The following SPECC1L variants were observed in gnomAD, a reference collection of about 807,000 sequenced individuals.
SPECC1L encodes the protein cytospin-A.
A neutral mutation model predicts 116.8 loss-of-function variants in SPECC1L; 40 were observed. The observed-to-expected ratio is 0.34, with a 90% CI of 0.27 to 0.45. SPECC1L has a LOEUF of 0.45. SPECC1L is among the 20% of genes least tolerant of loss of function. SPECC1L has a pLI of 1.00. For synonymous variants in SPECC1L, 504 were observed against 500.6 expected, an observed-to-expected ratio of 1.01 and a Z score of -0.09; for missense variants, 1,110 against 1,373.6, an observed-to-expected ratio of 0.81 and a Z score of 3.03.
At chr22:24,275,491 T>C (rs1306104066) in intron 1 of SPECC1L, among the ~76,000 whole-genome samples, 1 of 151,916 alleles carries the variant, frequency 6.6e-6, no homozygotes, top group East Asian at 1.9e-4. Context: ...TATCCCAAAT[T>C]GTGGAAGGAA....
chr22:24,369,377 G>T, intron 14 of SPECC1L, 57 bp downstream of exon 14: 1 of 1,253,584 alleles, frequency 8.0e-7, no homozygotes, highest in Non-Finnish European at 1.2e-6. Flanking sequence ...CTGCTGGAGT[G>T]TCGTAGCTTA....
At chr22:24,407,458 G>A (rs2042613713) in intron 14 of SPECC1L, among the ~76,000 whole-genome samples, 1 of 152,194 alleles carries the variant, frequency 6.6e-6, no homozygotes, top group Non-Finnish European at 1.5e-5. Context: ...AGGAGCCTCT[G>A]CCTCGAGGCG....
chr22:24,379,445 A>G (rs2042024382), intron 14 of SPECC1L, among the ~76,000 whole-genome samples: 1 of 152,178 alleles, frequency 6.6e-6, no homozygotes, highest in Non-Finnish European at 1.5e-5. Context: ...TATCAGGTTG[A>G]TTAAATGGAG....
intron 4 of SPECC1L, among the ~76,000 whole-genome samples, chr22:24,319,392 G>C (rs187886027): frequency 6.6e-6 from 1 of 152,196 alleles, no homozygotes; most frequent in African/African-American, 2.4e-5. Flanking sequence ...CGAGAACAGC[G>C]TGAGGGTAAC....
chr22:24,395,612 T>A (rs1374386378), intron 14 of SPECC1L, among the ~76,000 whole-genome samples: 1 of 152,216 alleles, frequency 6.6e-6, no homozygotes, highest in Non-Finnish European at 1.5e-5. Context: ...CCACACTTTT[T>A]ATCTCAATAC....
At chr22:24,413,782 C>A (rs1023932589) in intron 16 of SPECC1L, among the ~76,000 whole-genome samples, 1 of 152,128 alleles carries the variant, frequency 6.6e-6, no homozygotes, top group Non-Finnish European at 1.5e-5. Flanking sequence ...GGCAGGTTTT[C>A]GTTTTCTGCA....
intron 10 of SPECC1L, among the ~76,000 whole-genome samples, chr22:24,339,917 T>A (rs1228165616): frequency 1.3e-5 from 2 of 151,946 alleles, no homozygotes; most frequent in African/African-American, 4.8e-5. Context: ...CCCAAGTAGC[T>A]GGGACCACAG....
intron 2 of SPECC1L, among the ~76,000 whole-genome samples, chr22:24,291,034 T>C (rs1461397031): frequency 6.9e-6 from 1 of 143,994 alleles, no homozygotes; most frequent in Non-Finnish European, 1.6e-5. Flanking sequence ...GACTGTGTGA[T>C]TCTTTCTTCT....
At chr22:24,372,043 C>T (rs2041881618) in intron 14 of SPECC1L, among the ~76,000 whole-genome samples, 1 of 152,082 alleles carries the variant, frequency 6.6e-6, no homozygotes, top group Admixed American at 6.6e-5. Flanking sequence ...TTATAAACAC[C>T]CACCTTTACA....
In SPECC1L at chr22:24,346,617, G is replaced by C. The variant is rs1021503125; in HGVS notation, c.2653-469G>C. ...GAATACCAGTGGTTGCCAGAGGTCA[G>C]TGATAGGGGGTTGGGGACGGGAAGA... On this transcript the variant is annotated intron_variant, in intron 10 of 16. Transcript: ENST00000314328. Among the ~76,000 whole-genome samples, 4 of 152,318 alleles carry C rather than the reference G, an allele frequency of 2.6e-5. No homozygotes were observed. In the East Asian group the frequency reaches 7.7e-4, roughly 29 times the overall value.
At chr22:24,336,282 C>T (rs967904199) in intron 9 of SPECC1L, among the ~76,000 whole-genome samples, 1 of 151,198 alleles carries the variant, frequency 6.6e-6, no homozygotes, top group African/African-American at 2.4e-5. Flanking sequence ...TCTATATATA[C>T]CTATATGTGT....
intron 2 of SPECC1L, among the ~76,000 whole-genome samples, chr22:24,298,675 A>G (rs549927721): frequency 3.9e-4 from 60 of 152,322 alleles, no homozygotes; most frequent in African/African-American, 1.2e-3. Context: ...AGTTTGAGTC[A>G]GACGGCAAGC....
At chr22:24,276,603 A>G (rs1272687755) in intron 1 of SPECC1L, 97 bp from the exon 2 acceptor site, 2 of 317,386 alleles carry the variant, frequency 6.3e-6, no homozygotes, top group Non-Finnish European at 1.2e-5. Flanking sequence ...GCCCAGTCTC[A>G]AAAATATTAG....
At chr22:24,405,668 C>T (rs981334396) in intron 14 of SPECC1L, among the ~76,000 whole-genome samples, 1 of 151,930 alleles carries the variant, frequency 6.6e-6, no homozygotes, top group Non-Finnish European at 1.5e-5. Flanking sequence ...GGTGAAACCT[C>T]ATCTCTACTA....
intron 4 of SPECC1L, among the ~76,000 whole-genome samples, chr22:24,317,649 C>T (rs2040620564): frequency 6.6e-6 from 1 of 150,534 alleles, no homozygotes; most frequent in Non-Finnish European, 1.5e-5. Flanking sequence ...GGCGGCTGGC[C>T]AGGCGGGGGG....
intron 14 of SPECC1L, among the ~76,000 whole-genome samples, chr22:24,410,744 C>G (rs995995215): frequency 7.9e-5 from 12 of 152,152 alleles, no homozygotes; most frequent in Non-Finnish European, 1.6e-4. Flanking sequence ...TTCTCACCAT[C>G]CATCAGAGCA....
intron 2 of SPECC1L, among the ~76,000 whole-genome samples, chr22:24,283,979 CCT>C (rs766096815): frequency 9.9e-5 from 15 of 152,042 alleles, no homozygotes; most frequent in Admixed American, 2.0e-4. Flanking sequence ...TAATTTGTGT[CCT>C]CTCTTTTTTA....
intron 2 of SPECC1L, among the ~76,000 whole-genome samples, chr22:24,281,564 A>T (rs929897407): frequency 1.3e-5 from 2 of 152,222 alleles, no homozygotes; most frequent in Non-Finnish European, 2.9e-5. Flanking sequence ...TCTATTTCAT[A>T]TATTTTGATA....
In SPECC1L at chr22:24,342,368, G is replaced by T. The variant is rs749821538; in HGVS notation, c.2652+3891G>T. On this transcript the variant is annotated intron_variant, in intron 10 of 16. Transcript: ENST00000314328. ...TGCACAGATGAAGAGAGAAGTGAAA[G>T]ATATGAAAAAGAATAGAGGAGGCCA... 3.9e-4 allele frequency among the ~76,000 whole-genome samples: 60 copies of T among 152,174 alleles called. 1 individual carries two copies. Among genetic ancestry groups the T allele is most frequent in the South Asian group, 1.0e-3 (5 of 4,814 alleles).
Sources: gnomAD v4.1 joint callset for allele counts (sites outside exome capture counted in the v4.1 genomes callset) on GRCh38, gnomAD v4.1.1 for gene constraint, MANE v1.5 for transcripts, NCBI Gene and HGNC (gene_info 2026-07-23, HGNC 2026-07-21) for gene names.